VWA3A: variants seen among roughly 807,000 people sequenced by gnomAD.
VWA3A encodes von Willebrand factor A domain-containing protein 3A.
A neutral mutation model predicts 160.4 loss-of-function variants in VWA3A; 134 were observed. That is an observed-to-expected ratio of 0.84 (90% CI 0.73 to 0.96). VWA3A has a LOEUF of 0.96. Among genes scored for constraint, VWA3A ranks in the 40% least tolerant of loss-of-function variants. The pLI is 0.00. For missense variants in VWA3A, 1,310 were observed against 1,447.9 expected (o/e 0.90, Z 1.55); for synonymous variants, 476 against 543.4 (o/e 0.88, Z 1.72).
rs1306206988 is a variant in VWA3A, at chr16:22,148,251, G to T, written c.2929G>T (p.Val977Leu). The T allele has an allele frequency of 1.3e-6, 2 of 1,598,590 alleles. No individual in the cohort carries two copies. The highest frequency in any genetic ancestry group is 1.7e-6 in the Non-Finnish European group (2 of 1,172,850). Residue 977 changes from valine (V) to leucine (L), a missense_variant, in exon 28 of 34, where the codon GTG becomes TTG. Transcript: ENST00000389398. ...GTCCATGGGCCCCTACCTGCAGCAG[G>T]TGAAGACAGAGCTGGTTTTGCTGAT... ...SGSMGPYLQQ[V>L]KTELVLLIWE...
intron 9 of VWA3A, chr16:22,116,444 AGAG>A (rs369054310): frequency 2.2e-6 from 1 of 463,512 alleles, no homozygotes; most frequent in African/African-American, 2.0e-5. Context: ...GAAGAGAGAG[AGAG>A]GAGAAGGAAG....
At chr16:22,126,432 G>A (rs1357522123) in intron 17 of VWA3A, 135 bp downstream of exon 17, 1 of 1,286,570 alleles carries the variant, frequency 7.8e-7, no homozygotes, top group Non-Finnish European at 1.0e-6. Context: ...ATAGCCATCG[G>A]TTTATCTGAT....
chr16:22,104,373 C>T (rs1025731727), intron 6 of VWA3A, among the ~76,000 whole-genome samples: 1 of 152,144 alleles, frequency 6.6e-6, no homozygotes, highest in African/African-American at 2.4e-5. Context: ...CCTGCAATCC[C>T]AGCTATGCAG....
chr16:22,108,830 A>T (rs1353472777), intron 6 of VWA3A, among the ~76,000 whole-genome samples: 1 of 152,228 alleles, frequency 6.6e-6, no homozygotes, highest in Non-Finnish European at 1.5e-5. Context: ...GGTTCAACTT[A>T]GGATTTTTCC....
rs375589082 is a variant in VWA3A, at chr16:22,131,493, G to A, written c.1728-92G>A. On this transcript the variant is annotated intron_variant, in intron 18 of 33. Coordinates refer to ENST00000389398, the MANE Select transcript of VWA3A (RefSeq NM_173615.5). ...AGAGTGATGACATCGACTCCATCAC[G>A]TCTGAGATGGAAAAGGCTCTCAGCT... The A allele has an allele frequency of 2.7e-5, 42 of 1,549,282 alleles. No individual in the cohort carries two copies. The South Asian group carries it at 3.6e-4, about 13-fold the overall frequency.
At chr16:22,142,359 C>T (rs541293406) in intron 24 of VWA3A, among the ~76,000 whole-genome samples, 1 of 152,238 alleles carries the variant, frequency 6.6e-6, no homozygotes, top group East Asian at 1.9e-4. Flanking sequence ...AGGCTGCTTC[C>T]ACTCATGGTG....
chr16:22,143,748 TC>T lies in VWA3A; in HGVS notation c.2593-498del, dbSNP rs1234381493. Among the ~76,000 whole-genome samples, 32 of 104,878 alleles carry T rather than the reference TC, an allele frequency of 3.1e-4. No individual in the cohort carries two copies. In the East Asian group the frequency reaches 5.3e-3, roughly 17 times the overall value. 68.8% of individuals were successfully genotyped at this position (104,878 alleles called of 152,430 possible). ...CCCACTATTTCTTTCTTTCTTTCTTTCTTTTTTTTTTTTTTTGAGACAGAGT... is the reference window on the plus strand; with the variant it reads ...CCCACTATTTCTTTCTTTCTTTCTTTTTTTTTTTTTTTTTTGAGACAGAGT... On this transcript the variant is annotated intron_variant, in intron 25 of 33. Transcript: ENST00000389398.
chr16:22,109,432 A>T, intron 6 of VWA3A, 50 bp from the exon 7 acceptor site: 1 of 1,444,166 alleles, frequency 6.9e-7, no homozygotes, highest in South Asian at 1.2e-5. Flanking sequence ...TCAGTGTAGG[A>T]GACACACAGA....
chr16:22,143,098 C>G (rs2142000391), intron 25 of VWA3A, among the ~76,000 whole-genome samples: 1 of 146,662 alleles, frequency 6.8e-6, no homozygotes, highest in Middle Eastern at 3.5e-3. Context: ...TGCAGTGAGC[C>G]AAGATTGTGC....
In VWA3A at chr16:22,150,752, G is replaced by C. The variant is rs1415952292; in HGVS notation, c.3187G>C (p.Asp1063His). The change falls in exon 30 of 34, where the codon GAC becomes CAC. Residue 1063 changes from aspartate to histidine, a missense_variant. Coordinates refer to ENST00000389398, the MANE Select transcript of VWA3A (RefSeq NM_173615.5). ...GLYLLTDGKPDTSCSLVLNEV... is the reference protein window; with the variant it reads ...GLYLLTDGKPHTSCSLVLNEV... The stretch of plus-strand genomic sequence containing the variant: ...GTACCTCCTGACCGACGGAAAGCCA[G>C]ACACAAGCTGCAGCCTTGTCCTAAA... 1 of 1,612,814 alleles carries C rather than the reference G, an allele frequency of 6.2e-7. No homozygotes were observed. The highest frequency in any genetic ancestry group is 2.2e-5 in the East Asian group (1 of 44,872).
intron 27 of VWA3A, 26 bp downstream of exon 27, chr16:22,146,370 G>GT: frequency 6.2e-7 from 1 of 1,600,618 alleles, no homozygotes; most frequent in South Asian, 1.1e-5. Context: ...GCCCTGAAGG[G>GT]TGGAGGAGCA....
chr16:22,143,752 T>TC (rs1211550333), intron 25 of VWA3A, among the ~76,000 whole-genome samples: 13 of 73,670 alleles, frequency 1.8e-4, no homozygotes, highest in African/African-American at 4.4e-4. Context: ...TTTCTTTCTT[T>TC]TTTTTTTTTT....
At position 22,133,998 on chromosome 16, in the gene VWA3A, C is replaced by T. The variant is rs185623901; in HGVS notation, c.2069-370C>T. Among the ~76,000 whole-genome samples, 132 of 152,218 alleles carry T rather than the reference C, an allele frequency of 8.7e-4. 1 individual carries two copies. The highest frequency in any genetic ancestry group is 3.4e-3 in the Middle Eastern group (1 of 294). On this transcript the variant is annotated intron_variant, in intron 20 of 33. Coordinates refer to ENST00000389398, the MANE Select transcript of VWA3A (RefSeq NM_173615.5). ...TTTTTTTTAGAGACGGGGTCTCCCTCTGTCACCCAGGCTGGAGTGCAGTGG... is the reference window on the plus strand; with the variant it reads ...TTTTTTTTAGAGACGGGGTCTCCCTTTGTCACCCAGGCTGGAGTGCAGTGG...
At chr16:22,151,133 A>C (rs1292461423) in intron 30 of VWA3A, among the ~76,000 whole-genome samples, 1 of 152,076 alleles carries the variant, frequency 6.6e-6, no homozygotes, top group African/African-American at 2.4e-5. Flanking sequence ...TACAAAAATT[A>C]GACAGGTGTG....
intron 18 of VWA3A, 26 bp downstream of exon 18, chr16:22,131,305 G>A: frequency 1.2e-6 from 2 of 1,612,196 alleles, no homozygotes; most frequent in Non-Finnish European, 1.7e-6. Flanking sequence ...AGACTTCGTG[G>A]GGCTGTGTCT....
intron 21 of VWA3A, among the ~76,000 whole-genome samples, chr16:22,134,662 T>G (rs572179440): frequency 1.3e-5 from 2 of 149,090 alleles, no homozygotes; most frequent in South Asian, 4.3e-4. Flanking sequence ...CAATTGGTGT[T>G]TGTTTGTTTG....
chr16:22,151,232 G>A (rs1445290566), intron 30 of VWA3A, among the ~76,000 whole-genome samples: 1 of 150,994 alleles, frequency 6.6e-6, no homozygotes, highest in Non-Finnish European at 1.5e-5. Flanking sequence ...GTCAGCGGAG[G>A]TTGCACCATG....
At position 22,145,260 on chromosome 16, in the gene VWA3A, G is replaced by A. The variant is rs936101644; in HGVS notation, c.2730+876G>A. 3.3e-5 allele frequency among the ~76,000 whole-genome samples: 5 copies of A among 152,128 alleles called. No individual in the cohort carries two copies. In the South Asian group the frequency reaches 1.0e-3, roughly 32 times the overall value. On this transcript the variant is annotated intron_variant, in intron 26 of 33. Coordinates refer to ENST00000389398, the MANE Select transcript of VWA3A (RefSeq NM_173615.5). ...GAGGAATATAGGGTCATTCTAGCATGTTGCCCCTCTCCACCTGAAGTCATC... is the reference window on the plus strand; with the variant it reads ...GAGGAATATAGGGTCATTCTAGCATATTGCCCCTCTCCACCTGAAGTCATC...
At chr16:22,116,291 A>C in intron 9 of VWA3A, 1 of 424,174 alleles carries the variant, frequency 2.4e-6, no homozygotes, top group Non-Finnish European at 4.6e-6. Context: ...AAGGAAGGAA[A>C]GAAGGAAGAG....
Sources: allele counts gnomAD v4.1 joint callset (sites outside exome capture counted in the v4.1 genomes callset), GRCh38; gene constraint gnomAD v4.1.1; transcripts MANE v1.5; gene names NCBI Gene and HGNC (gene_info 2026-07-23, HGNC 2026-07-21).